The following ATF6 variants were observed in gnomAD, a reference collection of about 807,000 sequenced individuals.
The protein encoded by ATF6 is activating transcription factor 6.
ATF6 carries 53 observed loss-of-function variants against 83.6 expected under a neutral mutation model. That is an observed-to-expected ratio of 0.63 (90% CI 0.51 to 0.80). The LOEUF (loss-of-function observed/expected upper bound fraction) is 0.80, where lower values mean the gene tolerates loss of function less well. Ranked by LOEUF, ATF6 falls within the 30% of genes least tolerant of loss-of-function variation. The probability of loss-of-function intolerance (pLI) is 0.00; values close to 1 mark genes in which losing one functional copy is unlikely to be tolerated. For synonymous variants in ATF6, 288 were observed against 285.8 expected (o/e 1.01, Z -0.08); for missense variants, 744 against 797.9 (o/e 0.93, Z 0.81).
At chr1:161,939,900 G>A (rs184056437) in intron 15 of ATF6, among the ~76,000 whole-genome samples, 1 of 152,302 alleles carries the variant, frequency 6.6e-6, no homozygotes, top group Admixed American at 6.5e-5. Context: ...TTTTACTAGA[G>A]GAAAAAGAGC....
intron 15 of ATF6, among the ~76,000 whole-genome samples, chr1:161,933,261 C>G (rs1351569256): frequency 3.3e-5 from 5 of 152,148 alleles, no homozygotes; most frequent in African/African-American, 4.8e-5. Context: ...ATGTACAGTT[C>G]CATCCTGCAA....
chr1:161,774,444 C>CAT (rs952365108), intron 1 of ATF6, among the ~76,000 whole-genome samples: 127 of 151,408 alleles, frequency 8.4e-4, no homozygotes, highest in African/African-American at 3.0e-3. Flanking sequence ...CACATACACA[C>CAT]ATATATATAC....
intron 15 of ATF6, among the ~76,000 whole-genome samples, chr1:161,945,551 T>C (rs960147759): frequency 2.0e-5 from 3 of 152,222 alleles, no homozygotes; most frequent in Non-Finnish European, 4.4e-5. Context: ...CTTACTGCGT[T>C]TATTCTTGAA....
intron 7 of ATF6, among the ~76,000 whole-genome samples, chr1:161,818,902 T>C (rs1250332346): frequency 6.6e-6 from 1 of 152,206 alleles, no homozygotes; most frequent in Non-Finnish European, 1.5e-5. Context: ...GGAGAAGTTA[T>C]CTTAGAAATG....
At chr1:161,812,683 C>T (rs568369104) in intron 7 of ATF6, among the ~76,000 whole-genome samples, 3 of 152,024 alleles carry the variant, frequency 2.0e-5, no homozygotes, top group African/African-American at 7.2e-5. Context: ...TGAGCCACCG[C>T]GCCCGGCCAG....
At chr1:161,862,235 A>G (rs1686901477) in intron 13 of ATF6, among the ~76,000 whole-genome samples, 1 of 152,250 alleles carries the variant, frequency 6.6e-6, no homozygotes, top group African/African-American at 2.4e-5. Context: ...GAAATGGCCT[A>G]GTGAACAAAT....
intron 15 of ATF6, among the ~76,000 whole-genome samples, chr1:161,948,912 A>C (rs1038520960): frequency 6.6e-6 from 1 of 152,256 alleles, no homozygotes; most frequent in Non-Finnish European, 1.5e-5. Context: ...AAAAGCAGCC[A>C]AGTTCAGCGT....
At chr1:161,952,015 G>T (rs942165545) in intron 15 of ATF6, among the ~76,000 whole-genome samples, 1 of 152,100 alleles carries the variant, frequency 6.6e-6, no homozygotes, top group African/African-American at 2.4e-5. Flanking sequence ...ATTAGTGAAG[G>T]TTACAAATTG....
chr1:161,821,403 A>C (rs1046542924), intron 9 of ATF6, among the ~76,000 whole-genome samples: 1 of 152,168 alleles, frequency 6.6e-6, no homozygotes, highest in African/African-American at 2.4e-5. Flanking sequence ...TCCTAACATA[A>C]TATAGAGTAC....
intron 15 of ATF6, among the ~76,000 whole-genome samples, chr1:161,944,802 A>G (rs1308262298): frequency 1.3e-5 from 2 of 152,240 alleles, no homozygotes; most frequent in Non-Finnish European, 2.9e-5. Flanking sequence ...TCTGGGGGTC[A>G]GGAAAGCAAG....
At chr1:161,899,755 T>C (rs2101878160) in intron 14 of ATF6, among the ~76,000 whole-genome samples, 1 of 152,354 alleles carries the variant, frequency 6.6e-6, no homozygotes, top group Middle Eastern at 3.4e-3. Context: ...CTGCTATTTT[T>C]TTACATTTTA....
At chr1:161,837,111 CATAA>C (rs903929921) in intron 9 of ATF6, among the ~76,000 whole-genome samples, 2 of 152,210 alleles carry the variant, frequency 1.3e-5, no homozygotes, top group African/African-American at 4.8e-5. Flanking sequence ...TGCTGCAGAA[CATAA>C]ATAATAAAGG....
chr1:161,946,441 T>A (rs892416019), intron 15 of ATF6, among the ~76,000 whole-genome samples: 5 of 152,196 alleles, frequency 3.3e-5, no homozygotes, highest in Non-Finnish European at 5.9e-5. Context: ...TGCCACCTAT[T>A]AGGAATTGTT....
intron 15 of ATF6, among the ~76,000 whole-genome samples, chr1:161,922,811 C>T (rs150871480): frequency 2.8e-4 from 42 of 151,970 alleles, no homozygotes; most frequent in African/African-American, 4.3e-4. Context: ...AGGAATGATA[C>T]GAGATCAGAT....
intron 10 of ATF6, among the ~76,000 whole-genome samples, chr1:161,847,155 AT>A (rs1377265115): frequency 1.3e-5 from 2 of 152,154 alleles, no homozygotes; most frequent in Non-Finnish European, 2.9e-5. Context: ...TATAGTGGAC[AT>A]TTTTATAGTT....
intron 14 of ATF6, among the ~76,000 whole-genome samples, chr1:161,890,108 C>A (rs2101867895): frequency 6.6e-6 from 1 of 152,256 alleles, no homozygotes; most frequent in Non-Finnish European, 1.5e-5. Flanking sequence ...TGTAGTATTT[C>A]CTAGAAACAA....
intron 8 of ATF6, among the ~76,000 whole-genome samples, chr1:161,820,367 T>C (rs759344550): frequency 5.9e-5 from 9 of 152,198 alleles, no homozygotes; most frequent in Non-Finnish European, 1.3e-4. Flanking sequence ...GGAATACTCC[T>C]ATATTTTACT....
chr1:161,769,772 TC>T (rs1253340564), intron 1 of ATF6, among the ~76,000 whole-genome samples: 1 of 152,024 alleles, frequency 6.6e-6, no homozygotes, highest in Non-Finnish European at 1.5e-5. Flanking sequence ...TCTAGATCCC[TC>T]ACATGTGCAG....
chr1:161,934,251 T>A (rs1688490451), intron 15 of ATF6, among the ~76,000 whole-genome samples: 1 of 152,154 alleles, frequency 6.6e-6, no homozygotes, highest in Non-Finnish European at 1.5e-5. Flanking sequence ...GCCACCTTCC[T>A]CCATCCTCCT....
Sources: gnomAD v4.1 joint callset for allele counts (sites outside exome capture counted in the v4.1 genomes callset) on GRCh38, gnomAD v4.1.1 for gene constraint, MANE v1.5 for transcripts, NCBI Gene and HGNC (gene_info 2026-07-23, HGNC 2026-07-21) for gene names.